Variants in NEK10 observed in about 807,000 individuals in gnomAD.
The protein encoded by NEK10 is serine/threonine-protein kinase Nek10.
In NEK10, 122 loss-of-function variants were observed where a neutral mutation model predicts 159.8. The observed-to-expected ratio is 0.76, with a 90% CI of 0.66 to 0.89. The LOEUF (loss-of-function observed/expected upper bound fraction) is 0.89. Among genes scored for constraint, NEK10 ranks in the 40% least tolerant of loss-of-function variants. The pLI is 0.00. For missense variants in NEK10, 1,342 were observed against 1,323.1 expected (o/e 1.01, Z -0.22); for synonymous variants, 466 against 457.1 (o/e 1.02, Z -0.25).
intron 30 of NEK10, among the ~76,000 whole-genome samples, chr3:27,153,354 A>G (rs1265694793): frequency 3.9e-5 from 6 of 151,900 alleles, no homozygotes; most frequent in Non-Finnish European, 7.4e-5. Flanking sequence ...GACAGACAGT[A>G]GCGGGGACTT....
At chr3:27,223,750 AC>A (rs1225600002) in intron 23 of NEK10, among the ~76,000 whole-genome samples, 1 of 151,974 alleles carries the variant, frequency 6.6e-6, no homozygotes, top group Non-Finnish European at 1.5e-5. Flanking sequence ...GATGCTGATG[AC>A]CCTATGTCTC....
At chr3:27,260,290 C>G (rs185688182) in intron 22 of NEK10, among the ~76,000 whole-genome samples, 24 of 152,272 alleles carry the variant, frequency 1.6e-4, no homozygotes, top group Middle Eastern at 3.4e-3. Flanking sequence ...GCGTCCCTGT[C>G]TTGTGCCAGT....
intron 26 of NEK10, 136 bp downstream of exon 26, chr3:27,191,893 A>C: frequency 1.5e-6 from 1 of 648,308 alleles, no homozygotes; most frequent in Non-Finnish European, 2.7e-6. Flanking sequence ...ATGGATATAA[A>C]TATGTAACTA....
chr3:27,322,556 C>G (rs528519778), intron 5 of NEK10, among the ~76,000 whole-genome samples: 2 of 152,222 alleles, frequency 1.3e-5, no homozygotes, highest in African/African-American at 4.8e-5. Context: ...GCTAAATGTT[C>G]CAAAATTTAG....
intron 7 of NEK10, among the ~76,000 whole-genome samples, chr3:27,314,050 T>C (rs1472145): frequency 0.23 from 35,283 of 152,082 alleles, 4,469 homozygotes; most frequent in Middle Eastern, 0.37. Flanking sequence ...ACATGTGACC[T>C]TTTATAGCAC....
intron 32 of NEK10, among the ~76,000 whole-genome samples, chr3:27,120,287 T>C (rs559066998): frequency 1.3e-5 from 2 of 152,062 alleles, no homozygotes; most frequent in African/African-American, 2.4e-5. Context: ...AATAATTCCT[T>C]TTTGTTTGAC....
intron 12 of NEK10, among the ~76,000 whole-genome samples, chr3:27,302,467 T>A (rs2043904937): frequency 6.6e-6 from 1 of 152,172 alleles, no homozygotes; most frequent in African/African-American, 2.4e-5. Context: ...TTCCTAGCTC[T>A]GCAGTCTTCT....
Position 27,344,264 on chromosome 3 carries a change from A to C in NEK10, c.362+8T>G. ...CAGTAAAAGCCTGTTTTCCAGGAAC[A>C]ATCTTACCTGCTTATGAGTCTATTT... is the stretch of plus-strand genomic sequence containing the variant. On this transcript the variant is annotated splice_region_variant and intron_variant, in intron 5 of 35. Transcript: ENST00000691995. The C allele has an allele frequency of 7.0e-7, 1 of 1,432,976 alleles. No individual in the cohort carries two copies. The highest frequency in any genetic ancestry group is 9.8e-7 in the Non-Finnish European group (1 of 1,022,872). 88.8% of individuals were successfully genotyped at this position (1,432,976 alleles called of 1,614,324 possible).
At chr3:27,162,807 T>C in intron 29 of NEK10, 69 bp from the exon 30 acceptor site, 3 of 1,606,360 alleles carry the variant, frequency 1.9e-6, no homozygotes, top group African/African-American at 1.3e-5. Flanking sequence ...AGAGCCTACA[T>C]CTTGCTATGG....
intron 28 of NEK10, among the ~76,000 whole-genome samples, chr3:27,172,663 T>C (rs1947117915): frequency 6.6e-6 from 1 of 152,166 alleles, no homozygotes; most frequent in Non-Finnish European, 1.5e-5. Context: ...GATCAATATC[T>C]GAATTACCCA....
chr3:27,322,186 T>G lies in NEK10; in HGVS notation c.438A>C (p.Pro146=), dbSNP rs558557565. The G allele has an allele frequency of 1.3e-6, 2 of 1,541,144 alleles. No homozygotes were observed. The highest frequency in any genetic ancestry group is 2.7e-5 in the African/African-American group (2 of 73,208). Residue 146 remains proline, a synonymous_variant, in exon 6 of 36, where the codon CCA becomes CCC. Transcript: ENST00000691995. ...LICLRLLMRD[P]CYQEILHSLG... ...TATTTTTCCAACCAACCTGATAACA[T>G]GGATCCCTCATTAGTAGCCTCAGAC...
chr3:27,194,255 C>G (rs1229602754), intron 25 of NEK10: 2 of 152,182 alleles, frequency 1.3e-5, no homozygotes, highest in African/African-American at 2.4e-5. Context: ...CCTCTCCTAG[C>G]AGCTGGGACT....
rs1330815562 is a variant in NEK10, at chr3:27,344,313, C to T, written c.321G>A (p.Gln107=). The stretch of plus-strand genomic sequence containing the variant: ...TTTTCACCAAGGCGGTAAAGATCTC[C>T]TGAAATAGTTTACGCTGAGGATGTT... The part of the protein sequence containing the change: ...FSKHPQRKLF[Q]EIFTALVKNR... The change falls in exon 5 of 36, where the codon CAG becomes CAA. Residue 107 remains glutamine, a synonymous_variant. Transcript: ENST00000691995. 1.3e-6 allele frequency: 2 copies of T among 1,599,800 alleles called. No individual in the cohort carries two copies. Among genetic ancestry groups the T allele is most frequent in the South Asian group, 2.2e-5 (2 of 89,458 alleles).
intron 30 of NEK10, chr3:27,162,329 C>A: frequency 7.0e-7 from 1 of 1,437,226 alleles, no homozygotes; most frequent in South Asian, 1.5e-5. Flanking sequence ...TAATGGTGAA[C>A]AAACAAGGCA....
In NEK10 at chr3:27,141,547, G is replaced by A. The variant is rs370226106; in HGVS notation, c.2905C>T (p.Arg969Cys). ...TGCTGAATAGGATCACTGATCTGAC[G>A]CACTTTCCTCTGGGACACAGCAATT... ...AGIAVSQRKV[R>C]QISDPIQQIL... The change falls in exon 31 of 36, where the codon CGT (arginine) becomes TGT (cysteine). Residue 969 changes from arginine (R) to cysteine (C), a missense_variant. Arg to Cys is a radical substitution (Grantham distance 180, BLOSUM62 -3). Coordinates refer to ENST00000691995, the MANE Select transcript of NEK10 (RefSeq NM_001394966.1). 36 of 1,613,132 alleles carry A rather than the reference G, an allele frequency of 2.2e-5. No homozygotes were observed. The East Asian group carries it at 2.5e-4, about 11-fold the overall frequency.
At chr3:27,210,420 T>C (rs926504955) in intron 23 of NEK10, among the ~76,000 whole-genome samples, 5 of 152,190 alleles carry the variant, frequency 3.3e-5, no homozygotes, top group African/African-American at 7.2e-5. Flanking sequence ...TCTCATGATC[T>C]AGCGATCTCT....
intron 26 of NEK10, among the ~76,000 whole-genome samples, chr3:27,184,313 C>A (rs990262804): frequency 6.6e-6 from 1 of 152,144 alleles, no homozygotes; most frequent in South Asian, 2.1e-4. Flanking sequence ...GGAAAAAAAG[C>A]CAGCCACTAA....
At chr3:27,357,764 C>T (rs74466859) in intron 1 of NEK10, among the ~76,000 whole-genome samples, 1 of 152,130 alleles carries the variant, frequency 6.6e-6, no homozygotes, top group Admixed American at 6.6e-5. Flanking sequence ...AAACTGTTTT[C>T]ACAGCAACCC....
At chr3:27,356,928 T>G (rs943855332) in intron 1 of NEK10, among the ~76,000 whole-genome samples, 1 of 152,204 alleles carries the variant, frequency 6.6e-6, no homozygotes, top group African/African-American at 2.4e-5. Context: ...CAGCACATAG[T>G]GCATGACACA....
Sources: gnomAD v4.1 joint callset for allele counts (sites outside exome capture counted in the v4.1 genomes callset) on GRCh38, gnomAD v4.1.1 for gene constraint, MANE v1.5 for transcripts, NCBI Gene and HGNC (gene_info 2026-07-23, HGNC 2026-07-21) for gene names.